The following ZNF831 variants were observed in gnomAD, a reference collection of about 807,000 sequenced individuals.
ZNF831 encodes zinc finger protein 831.
A neutral mutation model predicts 95.8 loss-of-function variants in ZNF831; 59 were observed. The ratio of observed to expected loss-of-function variants is 0.62; its 90% CI spans 0.50 to 0.77. ZNF831 has a LOEUF of 0.77. Ranked by LOEUF, ZNF831 falls within the 30% of genes least tolerant of loss-of-function variation. ZNF831 has a pLI of 0.00. For missense variants in ZNF831, 2,205 were observed against 2,164.0 expected (o/e 1.02, Z -0.38); for synonymous variants, 961 against 925.5 (o/e 1.04, Z -0.70).
At chr20:59,176,798 A>G (rs535182763) in intron 1 of ZNF831, among the ~76,000 whole-genome samples, 157 of 152,134 alleles carry the variant, frequency 1.0e-3, no homozygotes, top group Non-Finnish European at 1.9e-3. Context: ...TCTGTTTGCT[A>G]TTTTCCTGGA....
rs1988225124 is a variant in ZNF831 at position 59,257,157 on chromosome 20, A to T, written c.*2414A>T. 1 of 152,254 alleles carries T rather than the reference A, an allele frequency of 6.6e-6. No individual in the cohort carries two copies. The highest frequency in any genetic ancestry group is 2.4e-5 in the African/African-American group (1 of 41,458). 9.4% of individuals were successfully genotyped at this position (152,254 alleles called of 1,614,324 possible). A position where few individuals can be genotyped will look rare whatever the true frequency, so the allele number is the denominator to read the frequency against. On this transcript the variant is annotated 3_prime_UTR_variant, in exon 6 of 6. Transcript: ENST00000371030. ...GTTGCCAGCTGTCACATCCCAACCT[A>T]GGTCAAATATGGCGGAATATTGATT...
intron 4 of ZNF831, among the ~76,000 whole-genome samples, chr20:59,212,356 C>T (rs1429574398): frequency 6.6e-6 from 1 of 152,118 alleles, no homozygotes; most frequent in African/African-American, 2.4e-5. Flanking sequence ...TAAGATTGTA[C>T]ATCGATTGGA....
chr20:59,236,739 TG>T (rs1987021777), intron 4 of ZNF831, among the ~76,000 whole-genome samples: 1 of 152,134 alleles, frequency 6.6e-6, no homozygotes, highest in Non-Finnish European at 1.5e-5. Flanking sequence ...ATGACAAAGA[TG>T]TTTTTTGTGG....
At position 59,193,512 on chromosome 20, in the gene ZNF831, C is replaced by T. The variant is rs374338957; in HGVS notation, c.2493C>T (p.His831=). The change falls in exon 2 of 6, where the codon CAC becomes CAT. Residue 831 remains histidine, a synonymous_variant. Transcript: ENST00000371030. ...ERKKLKVEDL[H]SWKQPEPVSA... is the part of the protein sequence containing the mutation. ...AGAAGCTGAAAGTGGAGGACCTGCA[C>T]AGCTGGAAGCAACCAGAGCCTGTGA... 32 of 1,609,440 alleles carry T rather than the reference C, an allele frequency of 2.0e-5. No homozygotes were observed. In the African/African-American group the frequency reaches 3.3e-4, roughly 17 times the overall value.
intron 2 of ZNF831, among the ~76,000 whole-genome samples, chr20:59,158,362 G>A (rs1341312623): frequency 6.6e-6 from 1 of 152,216 alleles, no homozygotes; most frequent in African/African-American, 2.4e-5. Context: ...GGTCCAGGGG[G>A]CATTTATTTC....
chr20:59,254,523 G>A lies in ZNF831; in HGVS notation c.4814G>A (p.Cys1605Tyr), dbSNP rs767970052. ...QYGCGEMTVP[C>Y]PSLGSDGRKR... ...GGGTGTGGGGAAATGACTGTCCCCT[G>A]CCCCTCTTTAGGAAGTGACGGTAGG... is the stretch of plus-strand genomic sequence containing the variant. The change falls in exon 6 of 6, where the codon TGC becomes TAC. Residue 1605 changes from cysteine (C) to tyrosine (Y), a missense_variant. Physicochemically the swap from Cys to Tyr is radical, Grantham distance 194 (BLOSUM62 -2). Transcript: ENST00000371030. This position sits in a 1 kb window ranked among gnomAD's most constrained non-coding sequence, Gnocchi z 4.5. 8.7e-6 allele frequency: 14 copies of A among 1,613,972 alleles called. No individual in the cohort carries two copies. Among genetic ancestry groups the A allele is most frequent in the Non-Finnish European group, 1.2e-5 (14 of 1,180,038 alleles).
At chr20:59,182,331 T>G (rs1322100136) in intron 1 of ZNF831, among the ~76,000 whole-genome samples, 1 of 152,184 alleles carries the variant, frequency 6.6e-6, no homozygotes, top group Non-Finnish European at 1.5e-5. Flanking sequence ...TCAGCAGATT[T>G]TTCCCATTTT....
chr20:59,127,350 C>T lies in ZNF831; in HGVS notation c.-1425+3845C>T, dbSNP rs191824071. Among the ~76,000 whole-genome samples the T allele has an allele frequency of 8.7e-3, 1,323 of 152,256 alleles. 15 individuals are homozygous for T. The highest frequency in any genetic ancestry group is 9.2e-3 in the Non-Finnish European group (627 of 68,022). On this transcript the variant is annotated intron_variant, in intron 1 of 7. Coordinates refer to the ZNF831 transcript ENST00000637017. ...AGAGGCTTTTCTTTGCCAGGTAATC[C>T]GTGGGATCCTGTGAAAACCTCAGTC...
rs758538805 is a variant in ZNF831 at position 59,191,914 on chromosome 20, C to A, written c.895C>A (p.Arg299Ser). ...GLPAASTQPW[R>S]KLPEQKSPTA... ...CCCAGCGGCCAGCACACAACCCTGG[C>A]GTAAGTTGCCAGAGCAGAAGTCGCC... The change falls in exon 2 of 6, where the codon CGT becomes AGT. Residue 299 changes from arginine to serine, a missense_variant. Coordinates refer to ENST00000371030, the MANE Select transcript of ZNF831 (RefSeq NM_178457.3). 3.2e-5 allele frequency: 51 copies of A among 1,612,150 alleles called. 1 individual carries two copies. The East Asian group carries it at 1.1e-3, about 35-fold the overall frequency.
intron 1 of ZNF831, among the ~76,000 whole-genome samples, chr20:59,127,769 C>T (rs1003021309): frequency 6.6e-6 from 1 of 152,238 alleles, no homozygotes; most frequent in Non-Finnish European, 1.5e-5. Context: ...GCACCCTCCA[C>T]CCCCAGGAAG....
In ZNF831 at chr20:59,193,774, C is replaced by A; in HGVS notation, c.2755C>A (p.Leu919Met). 1 of 1,606,654 alleles carries A rather than the reference C, an allele frequency of 6.2e-7. No individual in the cohort carries two copies. ...AAPAPAEHPSLATPPQAPRVL... is the reference protein window; with the variant it reads ...AAPAPAEHPSMATPPQAPRVL... ...CCCAGCCCCCGCAGAGCACCCCTCGCTGGCCACCCCACCTCAGGCTCCTAG... is the reference window on the plus strand; with the variant it reads ...CCCAGCCCCCGCAGAGCACCCCTCGATGGCCACCCCACCTCAGGCTCCTAG... Residue 919 changes from leucine to methionine, a missense_variant, in exon 2 of 6, where the codon CTG (leucine) becomes ATG (methionine). Transcript: ENST00000371030.
intron 1 of ZNF831, among the ~76,000 whole-genome samples, chr20:59,164,909 A>G (rs1981133923): frequency 6.6e-6 from 1 of 152,232 alleles, no homozygotes; most frequent in South Asian, 2.1e-4. Flanking sequence ...ACCAAAATGC[A>G]ACGAGGGACA....
chr20:59,218,645 C>A (rs1411856075), intron 4 of ZNF831, among the ~76,000 whole-genome samples: 2 of 151,600 alleles, frequency 1.3e-5, no homozygotes, highest in African/African-American at 2.4e-5. Flanking sequence ...ATCTAACTGG[C>A]CTGGTTTGGT....
Position 59,191,127 on chromosome 20 carries a change from C to T in ZNF831, c.108C>T (p.Thr36=), listed in dbSNP as rs1289990724. The T allele has an allele frequency of 6.3e-7, 1 of 1,598,642 alleles. No individual in the cohort carries two copies. Among genetic ancestry groups the T allele is most frequent in the Non-Finnish European group, 8.5e-7 (1 of 1,177,496 alleles). The change falls in exon 2 of 6, where the codon ACC becomes ACT. Residue 36 remains threonine (T), a synonymous_variant. Coordinates refer to ENST00000371030, the MANE Select transcript of ZNF831 (RefSeq NM_178457.3). ...GTGGCCAGGCCTCACCTCACCTGAC[C>T]CTGGGCCCTGTCCTTCTGCCGCCAG... The part of the protein sequence containing the change: ...APGGQASPHL[T]LGPVLLPPEQ...
intron 2 of ZNF831, among the ~76,000 whole-genome samples, chr20:59,149,755 C>G (rs933892461): frequency 2.7e-4 from 41 of 152,208 alleles, no homozygotes; most frequent in African/African-American, 9.6e-4. Context: ...GTGTGGATGG[C>G]GGGGCTGGAA....
chr20:59,257,230 A>G lies in ZNF831; in HGVS notation c.*2487A>G, dbSNP rs1021863012. 6.6e-6 allele frequency: 1 copy of G among 152,216 alleles called. No individual in the cohort carries two copies. Among genetic ancestry groups the G allele is most frequent in the Non-Finnish European group, 1.5e-5 (1 of 68,036 alleles). 9.4% of individuals were successfully genotyped at this position (152,216 alleles called of 1,614,324 possible). ...CTTACAAAGGTAAAGCAGGTAGCGA[A>G]GCCACCTTGCTTCCCTGGTCTTTGC... On this transcript the variant is annotated 3_prime_UTR_variant, in exon 6 of 6. Transcript: ENST00000371030.
intron 4 of ZNF831, among the ~76,000 whole-genome samples, chr20:59,211,951 T>G (rs1254602556): frequency 6.6e-6 from 1 of 152,132 alleles, no homozygotes; most frequent in Non-Finnish European, 1.5e-5. Flanking sequence ...ACAAAGAAAT[T>G]GAGAATGACC....
At chr20:59,162,511 G>T (rs1238529946), upstream of ZNF831, among the ~76,000 whole-genome samples, 2 of 152,128 alleles carry the variant, frequency 1.3e-5, no homozygotes, top group African/African-American at 2.4e-5. Flanking sequence ...TCTGCATATG[G>T]TTAGCTAGTT....
At chr20:59,189,367 T>C (rs991313505) in intron 1 of ZNF831, among the ~76,000 whole-genome samples, 2 of 152,194 alleles carry the variant, frequency 1.3e-5, no homozygotes, top group Admixed American at 6.5e-5. Flanking sequence ...TAAGTTTATG[T>C]AACGTATCTT....
Sources: allele counts gnomAD v4.1 joint callset (sites outside exome capture counted in the v4.1 genomes callset), GRCh38; gene constraint gnomAD v4.1.1; non-coding constraint Gnocchi (gnomAD v3.1); transcripts MANE v1.5; gene names NCBI Gene and HGNC (gene_info 2026-07-23, HGNC 2026-07-21).